ARRDC2: variants seen among roughly 807,000 people sequenced by gnomAD.
ARRDC2 encodes the protein arrestin domain containing 2, also known as arrestin domain-containing protein 2.
ARRDC2 carries 39 observed loss-of-function variants against 38.9 expected under a neutral mutation model. The observed-to-expected ratio is 1.00, with a 90% CI of 0.78 to 1.31. The LOEUF (loss-of-function observed/expected upper bound fraction) is 1.31, where lower values mean the gene tolerates loss of function less well. Among genes scored for constraint, ARRDC2 ranks in the 50% most tolerant of loss-of-function variants. The probability of loss-of-function intolerance (pLI) is 0.00; values close to 1 mark genes in which losing one functional copy is unlikely to be tolerated. For synonymous variants in ARRDC2, 300 were observed against 261.9 expected (o/e 1.15, Z -1.41); for missense variants, 553 against 588.4 (o/e 0.94, Z 0.62).
At chr19:18,002,840 C>T (rs1028386640) in intron 1 of ARRDC2, among the ~76,000 whole-genome samples, 5 of 152,138 alleles carry the variant, frequency 3.3e-5, no homozygotes, top group East Asian at 1.9e-4. Context: ...CGGTGGCTCA[C>T]GCCTGTAATC....
In ARRDC2 at chr19:18,010,308, CCA is replaced by C. The variant is rs1262570521; in HGVS notation, c.963_964del (p.Ser322LeufsTer15). 1 of 1,612,938 alleles carries C rather than the reference CCA, an allele frequency of 6.2e-7. No individual in the cohort carries two copies. Among genetic ancestry groups the C allele is most frequent in the Admixed American group, 1.7e-5 (1 of 60,018 alleles). Reference sequence around the variant, plus strand: ...CGTTCCTCCAGCGTGGGCAGCCACGCCAGCTTCCTGCTGGACTGGAGGCTGGG... The same window carrying C: ...CGTTCCTCCAGCGTGGGCAGCCACGCGCTTCCTGCTGGACTGGAGGCTGGG... On this transcript the variant is annotated frameshift_variant, in exon 6 of 8. Coordinates refer to ENST00000222250, the MANE Select transcript of ARRDC2 (RefSeq NM_015683.2). LOFTEE classifies it high-confidence loss of function.
Position 18,009,627 on chromosome 19 carries a change from A to C in ARRDC2, c.525A>C (p.Arg175=). ...CGGGGGCTCGGGAAAAGGTTGCCCGATCCTGGTACTGTAACCGTGGCCTAG... is the reference window on the plus strand; with the variant it reads ...CGGGGGCTCGGGAAAAGGTTGCCCGCTCCTGGTACTGTAACCGTGGCCTAG... ...PQAGAREKVA[R]SWYCNRGLVS... The change falls in exon 4 of 8, where the codon CGA becomes CGC. Residue 175 remains arginine, a synonymous_variant. Coordinates refer to ENST00000222250, the MANE Select transcript of ARRDC2 (RefSeq NM_015683.2). 6.2e-7 allele frequency: 1 copy of C among 1,609,918 alleles called. No homozygotes were observed. The highest frequency in any genetic ancestry group is 8.5e-7 in the Non-Finnish European group (1 of 1,176,880).
chr19:18,010,949 G>A (rs748715033), intron 7 of ARRDC2, among the ~76,000 whole-genome samples: 16 of 151,970 alleles, frequency 1.1e-4, no homozygotes, highest in Non-Finnish European at 1.8e-4. Context: ...TGAGTAGCTG[G>A]GACTACAGGC....
chr19:18,013,885 G>A lies in ARRDC2; in HGVS notation c.*919G>A, dbSNP rs2033460628. 6.6e-6 allele frequency: 1 copy of A among 152,152 alleles called. No individual in the cohort carries two copies. Among genetic ancestry groups the A allele is most frequent in the Non-Finnish European group, 1.5e-5 (1 of 68,034 alleles). 9.4% of individuals were successfully genotyped at this position (152,152 alleles called of 1,614,324 possible). On this transcript the variant is annotated 3_prime_UTR_variant, in exon 8 of 8. Transcript: ENST00000222250. ...ACGTCACCCCTGGGGACAGAGGTCA[G>A]CCTAAGGTGACACACGGGGACTACT... is the stretch of plus-strand genomic sequence containing the variant.
intron 7 of ARRDC2, among the ~76,000 whole-genome samples, chr19:18,010,963 C>T (rs1387507878): frequency 1.3e-5 from 2 of 151,974 alleles, no homozygotes; most frequent in Non-Finnish European, 2.9e-5. Context: ...TACAGGCACA[C>T]GCCACCACAT....
upstream of ARRDC2, among the ~76,000 whole-genome samples, chr19:18,006,075 C>A (rs1056089149): frequency 6.6e-6 from 1 of 151,104 alleles, no homozygotes; most frequent in Non-Finnish European, 1.5e-5. Flanking sequence ...GGATGGCGGC[C>A]GGGAAGAGGC....
chr19:18,001,219 G>A, exon 1 of ARRDC2: 3 of 1,096,860 alleles, frequency 2.7e-6, no homozygotes, highest in Non-Finnish European at 1.1e-6. Flanking sequence ...CTTGGGGGAC[G>A]CGACGGGGGA....
upstream of ARRDC2, among the ~76,000 whole-genome samples, chr19:18,003,636 GT>G (rs1436480267): frequency 7.1e-6 from 1 of 140,394 alleles, no homozygotes; most frequent in Non-Finnish European, 1.6e-5. Flanking sequence ...ATTTTTGTTT[GT>G]TTGTTTGTTT....
upstream of ARRDC2, among the ~76,000 whole-genome samples, chr19:18,004,538 C>T (rs1355585412): frequency 6.0e-5 from 9 of 150,668 alleles, no homozygotes; most frequent in East Asian, 2.1e-4. Context: ...TGAGCCACCG[C>T]GCCCGGCCAA....
At chr19:18,001,498 G>C in exon 1 of ARRDC2, 1 of 1,365,950 alleles carries the variant, frequency 7.3e-7, no homozygotes, top group Non-Finnish European at 9.5e-7. Context: ...GGGTCGCAGC[G>C]TGGGCGTCAA....
upstream of ARRDC2, among the ~76,000 whole-genome samples, chr19:18,006,492 G>A (rs932998991): frequency 4.6e-5 from 7 of 152,184 alleles, no homozygotes; most frequent in African/African-American, 9.7e-5. Context: ...GGCGGCGCGC[G>A]CCTGCAATCG....
At chr19:18,006,154 G>T (rs1231862085), upstream of ARRDC2, among the ~76,000 whole-genome samples, 1 of 151,124 alleles carries the variant, frequency 6.6e-6, no homozygotes, top group African/African-American at 2.4e-5. Context: ...TGGGCAGCCA[G>T]GCAGAGGGGC....
chr19:18,002,291 G>A (rs1042510665), intron 1 of ARRDC2, among the ~76,000 whole-genome samples: 5 of 152,212 alleles, frequency 3.3e-5, no homozygotes, highest in Non-Finnish European at 7.3e-5. Flanking sequence ...ATCCCAGAGG[G>A]GAAGAGATGA....
rs201950987 is a variant in ARRDC2, at chr19:18,009,883, C to T, written c.693C>T (p.Gly231=). The stretch of plus-strand genomic sequence containing the variant: ...AGACACAGACGTTCATGGCCCGAGG[C>T]GCCCGAAAGCAGAAACGGGCAGTGG... The part of the protein sequence containing the change: ...VVQTQTFMAR[G]ARKQKRAVVA... Residue 231 remains glycine, a synonymous_variant, in exon 5 of 8, where the codon GGC becomes GGT. Coordinates refer to ENST00000222250, the MANE Select transcript of ARRDC2 (RefSeq NM_015683.2). 19 of 1,610,728 alleles carry T rather than the reference C, an allele frequency of 1.2e-5. No homozygotes were observed. The highest frequency in any genetic ancestry group is 5.3e-5 in the African/African-American group (4 of 74,924).
upstream of ARRDC2, chr19:18,008,129 C>CCCCCCA: frequency 9.3e-7 from 1 of 1,074,286 alleles, no homozygotes; most frequent in Non-Finnish European, 1.2e-6. Flanking sequence ...CCACCCCCCC[C>CCCCCCA]CGCCCTGCCG....
At chr19:18,008,115 GACCC>G, upstream of ARRDC2, 4 of 810,032 alleles carry the variant, frequency 4.9e-6, no homozygotes, top group African/African-American at 2.2e-5. Context: ...AAGAGACGGT[GACCC>G]CACCCCCCCC....
chr19:18,008,127 C>CCCCCCCCCCCCCCAAAAAAAAA, upstream of ARRDC2: 2 of 998,516 alleles, frequency 2.0e-6, no homozygotes, highest in Non-Finnish European at 2.6e-6. Context: ...CCCCACCCCC[C>CCCCCCCCCCCCCCAAAAAAAAA]CCCGCCCTGC....
upstream of ARRDC2, among the ~76,000 whole-genome samples, chr19:18,005,019 T>A (rs1453026315): frequency 6.7e-5 from 10 of 150,028 alleles, no homozygotes; most frequent in African/African-American, 2.5e-4. Context: ...AAAAAAAATT[T>A]TTTTTTTTTA....
exon 1 of ARRDC2, chr19:18,001,246 G>A: frequency 9.7e-6 from 11 of 1,139,378 alleles, no homozygotes; most frequent in Middle Eastern, 3.7e-4. Flanking sequence ...AAACCCCGGG[G>A]ATCTGCAGGC....
Sources: allele counts gnomAD v4.1 joint callset (sites outside exome capture counted in the v4.1 genomes callset), GRCh38; gene constraint gnomAD v4.1.1; transcripts MANE v1.5; gene names NCBI Gene and HGNC (gene_info 2026-07-23, HGNC 2026-07-21).